The following BPIFB4 variants were observed in gnomAD, a reference collection of about 807,000 sequenced individuals.
The protein encoded by BPIFB4 is BPI fold containing family B member 4, also known as BPI fold-containing family B member 4.
In BPIFB4, 62 loss-of-function variants were observed where a neutral mutation model predicts 69.2. The ratio of observed to expected loss-of-function variants is 0.90; its 90% confidence interval spans 0.73 to 1.11. The LOEUF is 1.11. BPIFB4 is among the 50% of genes least tolerant of loss of function. The probability of loss-of-function intolerance (pLI) is 0.00; values close to 1 mark genes in which losing one functional copy is unlikely to be tolerated. For synonymous variants in BPIFB4, 330 were observed against 332.7 expected (o/e 0.99, Z 0.09); for missense variants, 789 against 792.0 (o/e 1.00, Z 0.04).
intron 7 of BPIFB4, 105 bp from the exon 8 acceptor site, chr20:33,088,861 G>A: frequency 6.4e-7 from 1 of 1,573,274 alleles, no homozygotes; most frequent in East Asian, 2.3e-5. Context: ...AGCACTCAGA[G>A]GTTCTCACTG....
chr20:33,083,826 G>C lies in BPIFB4; in HGVS notation c.629G>C (p.Gly210Ala). The part of the protein sequence containing the change: ...GGLLGGGGVL[G>A]VLGEGGILST... ...CTTCTTGGAGGAGGGGGTGTCCTGGGCGTGCTCGGCGAGGGTGGCATCCTC... is the reference window on the plus strand; with the variant it reads ...CTTCTTGGAGGAGGGGGTGTCCTGGCCGTGCTCGGCGAGGGTGGCATCCTC... The change falls in exon 5 of 18, where the codon GGC becomes GCC. Residue 210 changes from glycine (G) to alanine (A), a missense_variant. Around this residue, in one of 3 missense-constraint regions of BPIFB4, gnomAD observed 611 missense variants for 575.4 expected, o/e 1.06. Transcript: ENST00000375483. The C allele has an allele frequency of 6.2e-7, 1 of 1,613,454 alleles. No homozygotes were observed.
chr20:33,105,223 T>A (rs986521458), intron 16 of BPIFB4, among the ~76,000 whole-genome samples: 1 of 152,198 alleles, frequency 6.6e-6, no homozygotes, highest in Non-Finnish European at 1.5e-5. Context: ...GCATATTTCC[T>A]TCTAAACTCT....
intron 12 of BPIFB4, 130 bp downstream of exon 12, chr20:33,095,283 G>C: frequency 1.0e-6 from 1 of 973,986 alleles, no homozygotes; most frequent in Middle Eastern, 3.1e-4. Flanking sequence ...TGGGAGTGCA[G>C]TGACAGTGAC....
chr20:33,100,868 A>G (rs886721718), intron 14 of BPIFB4, among the ~76,000 whole-genome samples: 3 of 152,136 alleles, frequency 2.0e-5, no homozygotes, highest in Admixed American at 2.0e-4. Context: ...TAGAAAAATT[A>G]GCTGGGCATA....
intron 7 of BPIFB4, among the ~76,000 whole-genome samples, chr20:33,088,670 T>G (rs537967077): frequency 5.3e-5 from 8 of 152,366 alleles, no homozygotes; most frequent in African/African-American, 1.9e-4. Context: ...GGAATGACTT[T>G]TGCAGTTGAA....
At chr20:33,093,361 A>T (rs1436620336) in intron 11 of BPIFB4, among the ~76,000 whole-genome samples, 2 of 150,884 alleles carry the variant, frequency 1.3e-5, no homozygotes, top group African/African-American at 2.4e-5. Flanking sequence ...CAGTCCTTCC[A>T]TCTATCTATC....
chr20:33,082,302 G>C (rs1639496959), intron 3 of BPIFB4, among the ~76,000 whole-genome samples: 1 of 151,702 alleles, frequency 6.6e-6, no homozygotes, highest in Non-Finnish European at 1.5e-5. Flanking sequence ...CCAAGAATCA[G>C]TTGCGATAAT....
Position 33,083,703 on chromosome 20 carries a change from G to C in BPIFB4, c.506G>C (p.Gly169Ala), listed in dbSNP as rs1219128896. 1 of 1,614,042 alleles carries C rather than the reference G, an allele frequency of 6.2e-7. No homozygotes were observed. Among genetic ancestry groups the C allele is most frequent in the African/African-American group, 1.3e-5 (1 of 75,028 alleles). The change falls in exon 5 of 18, where the codon GGT becomes GCT. Residue 169 changes from glycine (G) to alanine (A), a missense_variant. Physicochemically the swap from Gly to Ala is moderately conservative, Grantham distance 60 (BLOSUM62 0). Transcript: ENST00000375483. ...GTTGCCACTGGGGCGGTGGGCCCAG[G>C]TGGTTTGCTGGGCACTGGAGGCATG... ...PGVATGAVGP[G>A]GLLGTGGMLA...
rs532452925 is a variant in BPIFB4 at position 33,095,401 on chromosome 20, C to A, written c.1398+248C>A. Reference sequence around the variant, plus strand: ...GTGGTCCAGCCTGCATAGGCCTAATCCTAGCCTGGCCACTTCCCTTGCTGT... The same window carrying A: ...GTGGTCCAGCCTGCATAGGCCTAATACTAGCCTGGCCACTTCCCTTGCTGT... On this transcript the variant is annotated intron_variant, in intron 12 of 17. Coordinates refer to ENST00000375483, the MANE Select transcript of BPIFB4 (RefSeq NM_182519.3). 4.6e-5 allele frequency among the ~76,000 whole-genome samples: 7 copies of A among 152,320 alleles called. No homozygotes were observed. In the South Asian group the frequency reaches 1.5e-3, roughly 32 times the overall value.
chr20:33,093,624 TCCATCCATCTACTCATCAACCCGA>T (rs1981673973), intron 11 of BPIFB4, among the ~76,000 whole-genome samples: 1 of 88,136 alleles, frequency 1.1e-5, no homozygotes, highest in Non-Finnish European at 2.4e-5. Context: ...CATCAACCCA[TCCATCCATCTACTCATCAACCCGA>T]CCATCCATCC....
chr20:33,087,648 A>G (rs760578302), intron 7 of BPIFB4, among the ~76,000 whole-genome samples: 4 of 151,756 alleles, frequency 2.6e-5, no homozygotes, highest in Non-Finnish European at 5.9e-5. Context: ...AACCTGTTGG[A>G]TAATTTCCCA....
intron 10 of BPIFB4, 150 bp downstream of exon 10, chr20:33,090,949 G>A (rs1981582655): frequency 1.1e-6 from 1 of 937,316 alleles, no homozygotes; most frequent in African/African-American, 1.7e-5. Flanking sequence ...TAAGAGCTGT[G>A]TTAGAAAACA....
At chr20:33,110,813 G>GTTTT (rs1409074801) in intron 17 of BPIFB4, among the ~76,000 whole-genome samples, 1 of 114,240 alleles carries the variant, frequency 8.8e-6, no homozygotes, top group African/African-American at 3.4e-5. Flanking sequence ...TTTTGTTGAA[G>GTTTT]TTTTTTTTTT....
At chr20:33,100,535 C>G (rs766564318) in intron 14 of BPIFB4, 42 bp downstream of exon 14, 1 of 1,560,346 alleles carries the variant, frequency 6.4e-7, no homozygotes, top group Non-Finnish European at 8.8e-7. Flanking sequence ...GGTGCTGGTG[C>G]TGCTCATGGA....
chr20:33,097,600 C>G lies in BPIFB4; in HGVS notation c.1399-17C>G. 1.2e-6 allele frequency: 2 copies of G among 1,611,882 alleles called. No individual in the cohort carries two copies. Among genetic ancestry groups the G allele is most frequent in the Non-Finnish European group, 1.7e-6 (2 of 1,178,662 alleles). On this transcript the variant is annotated splice_polypyrimidine_tract_variant and intron_variant, in intron 12 of 17. Transcript: ENST00000375483. The stretch of plus-strand genomic sequence containing the variant: ...ATGCTAAGGGCCCTGTCCATCTGGC[C>G]TGGTGCCTGCCCACAGGTGTTCCAG...
rs1981314481 is a variant in BPIFB4, at chr20:33,083,544, G to C, written c.347G>C (p.Arg116Thr). ...GEILESEGSIRDLRNSGYRSA... is the reference protein window; with the variant it reads ...GEILESEGSITDLRNSGYRSA... ...ATCCTTGAGTCCGAGGGAAGCATCA[G>C]GGACCTCCGAAACAGTGGCTATCGC... is the stretch of plus-strand genomic sequence containing the variant. The change falls in exon 5 of 18, where the codon AGG (arginine) becomes ACG (threonine). Residue 116 changes from arginine to threonine, a missense_variant. Arg to Thr is a moderately conservative substitution (Grantham distance 71). Transcript: ENST00000375483. 6.2e-7 allele frequency: 1 copy of C among 1,614,030 alleles called. No homozygotes were observed. The highest frequency in any genetic ancestry group is 1.3e-5 in the African/African-American group (1 of 74,982).
chr20:33,085,920 C>T (rs1399436803), intron 6 of BPIFB4, 101 bp from the exon 7 acceptor site: 8 of 1,396,124 alleles, frequency 5.7e-6, no homozygotes, highest in East Asian at 4.7e-5. Flanking sequence ...GAGCAAGGAG[C>T]GTAGCAGATG....
intron 8 of BPIFB4, among the ~76,000 whole-genome samples, chr20:33,089,274 A>T (rs1320147662): frequency 6.6e-6 from 1 of 152,188 alleles, no homozygotes; most frequent in East Asian, 1.9e-4. Context: ...CGGCTTGGGC[A>T]CTTCCTAGCT....
intron 11 of BPIFB4, among the ~76,000 whole-genome samples, 153 bp from the exon 12 acceptor site, chr20:33,094,947 A>G (rs1048695324): frequency 1.3e-5 from 2 of 152,204 alleles, no homozygotes; most frequent in Non-Finnish European, 2.9e-5. Context: ...ATGGCTGGGT[A>G]GGCAGGACTT....
Sources: allele counts gnomAD v4.1 joint callset (sites outside exome capture counted in the v4.1 genomes callset), GRCh38; gene constraint gnomAD v4.1.1; regional missense constraint gnomAD v4.1.1; transcripts MANE v1.5; gene names NCBI Gene and HGNC (gene_info 2026-07-23, HGNC 2026-07-21).